The following PIWIL1 variants were observed in gnomAD, a reference collection of about 807,000 sequenced individuals.
The protein encoded by PIWIL1 is piwi-like protein 1.
A neutral mutation model predicts 114.4 loss-of-function variants in PIWIL1; 73 were observed. The observed-to-expected ratio is 0.64, with a 90% CI of 0.53 to 0.78. The LOEUF (loss-of-function observed/expected upper bound fraction) is 0.78. Among genes scored for constraint, PIWIL1 ranks in the 30% least tolerant of loss-of-function variants. PIWIL1 has a pLI of 0.00. For missense variants in PIWIL1, 723 were observed against 1,063.1 expected (o/e 0.68, Z 4.45); for synonymous variants, 375 against 369.0 (o/e 1.02, Z -0.19).
chr12:130,355,418 G>C, intron 11 of PIWIL1, 135 bp from the exon 12 acceptor site: 3 of 706,512 alleles, frequency 4.2e-6, no homozygotes, highest in South Asian at 1.7e-5. Flanking sequence ...TCCTGTGCCA[G>C]CTGGCATTCT....
intron 3 of PIWIL1, among the ~76,000 whole-genome samples, chr12:130,344,182 ATTTT>A (rs1056748876): frequency 1.3e-5 from 2 of 152,112 alleles, no homozygotes; most frequent in African/African-American, 4.8e-5. Flanking sequence ...CCAGAACTGA[ATTTT>A]TTTAAGACAA....
the PIWIL1 span, among the ~76,000 whole-genome samples, chr12:130,379,414 A>C: frequency 6.7e-6 from 1 of 150,034 alleles, no homozygotes; most frequent in East Asian, 2.0e-4. Context: ...CCAAGCATTG[A>C]CAGTTCCTTC....
At chr12:130,347,972 A>G in intron 6 of PIWIL1, 131 bp from the exon 7 acceptor site, 1 of 582,764 alleles carries the variant, frequency 1.7e-6, no homozygotes, top group Non-Finnish European at 3.1e-6. Context: ...GCCATAAAAA[A>G]CAGCAGGTAG....
Position 130,362,782 on chromosome 12 carries a change from A to T in PIWIL1, c.1987A>T (p.Ile663Leu). The change falls in exon 17 of 21, where the codon ATA (isoleucine) becomes TTA (leucine). Residue 663 changes from isoleucine (I) to leucine (L), a missense_variant. Transcript: ENST00000245255. ...TCTGAATAGCTGGTTCTCACGCTGC[A>T]TATTTCAGGATAGAGGACAGGAGCT... is the stretch of plus-strand genomic sequence containing the variant. ...EGMTRWFSRCIFQDRGQELVD... is the reference protein window; with the variant it reads ...EGMTRWFSRCLFQDRGQELVD... The T allele has an allele frequency of 2.5e-6, 4 of 1,614,162 alleles. No homozygotes were observed. Among genetic ancestry groups the T allele is most frequent in the South Asian group, 1.1e-5 (1 of 91,084 alleles).
downstream of PIWIL1, among the ~76,000 whole-genome samples, chr12:130,377,100 A>G (rs538587487): frequency 3.9e-5 from 6 of 152,226 alleles, no homozygotes; most frequent in South Asian, 1.2e-3. Flanking sequence ...CACTGGTATC[A>G]TTAGCTAGTG....
the PIWIL1 span, among the ~76,000 whole-genome samples, chr12:130,384,872 C>T: frequency 6.6e-6 from 1 of 151,252 alleles, no homozygotes; most frequent in African/African-American, 2.5e-5. Context: ...AAAAATCTAA[C>T]AGTTGCTCAT....
chr12:130,424,416 C>T, the PIWIL1 span: 1 of 1,232,816 alleles, frequency 8.1e-7, no homozygotes, highest in Non-Finnish European at 1.0e-6. The surrounding 1 kb of genome is among the most constrained non-coding windows in gnomAD (Gnocchi z 9.8). Context: ...CCTCGGGCCC[C>T]TCCTGCAGGG....
At chr12:130,410,433 A>G in the PIWIL1 span, among the ~76,000 whole-genome samples, 5 of 152,178 alleles carry the variant, frequency 3.3e-5, no homozygotes, top group Non-Finnish European at 4.4e-5. Context: ...TGTCAAAGAA[A>G]TCGTTGCCTG....
the PIWIL1 span, among the ~76,000 whole-genome samples, chr12:130,392,726 G>A: frequency 2.3e-5 from 3 of 128,542 alleles, no homozygotes; most frequent in African/African-American, 2.8e-5. Flanking sequence ...CCCGGTCACC[G>A]TCATCACGTG....
chr12:130,408,669 C>G, the PIWIL1 span, among the ~76,000 whole-genome samples: 1 of 152,214 alleles, frequency 6.6e-6, no homozygotes, highest in South Asian at 2.1e-4. Flanking sequence ...AATCACGAAA[C>G]CCCTGTCAGA....
intron 18 of PIWIL1, among the ~76,000 whole-genome samples, chr12:130,364,585 A>T: frequency 6.6e-6 from 1 of 152,356 alleles, no homozygotes; most frequent in African/African-American, 2.4e-5. Context: ...TATTTTGGAA[A>T]TGAAAGTTAA....
chr12:130,408,260 T>A, the PIWIL1 span, among the ~76,000 whole-genome samples: 1 of 152,318 alleles, frequency 6.6e-6, no homozygotes, highest in East Asian at 1.9e-4. Flanking sequence ...TTTGTGTAAC[T>A]ATGGTGGCGC....
the PIWIL1 span, among the ~76,000 whole-genome samples, chr12:130,416,477 G>A: frequency 6.6e-6 from 1 of 152,138 alleles, no homozygotes; most frequent in Non-Finnish European, 1.5e-5. Flanking sequence ...GTGGGGAAAG[G>A]ACTCCCCATT....
the PIWIL1 span, among the ~76,000 whole-genome samples, chr12:130,395,135 G>T: frequency 2.0e-5 from 3 of 152,196 alleles, no homozygotes; most frequent in African/African-American, 7.2e-5. Context: ...ACTGCAAGAG[G>T]AAATGGTTTC....
chr12:130,355,527 C>A, intron 11 of PIWIL1, 26 bp from the exon 12 acceptor site: 2 of 1,468,464 alleles, frequency 1.4e-6, no homozygotes, highest in South Asian at 1.1e-5. Context: ...TTTGTTGAGT[C>A]GCATGTAAAT....
the PIWIL1 span, among the ~76,000 whole-genome samples, chr12:130,420,356 G>A: frequency 6.6e-6 from 1 of 152,190 alleles, no homozygotes; most frequent in African/African-American, 2.4e-5. The surrounding 1 kb of genome is among the most constrained non-coding windows in gnomAD (Gnocchi z 4.3). Context: ...TCATAGGTTT[G>A]TCAGTTAACT....
In PIWIL1 at chr12:130,349,465, A is replaced by AT. The variant is rs772497260; in HGVS notation, c.932+35dup. ...AGACTGCTTTTTAAAGTGCACAATA[A>AT]TTTTTTGTGAGTCAAAGTATTGTGG... On this transcript the variant is annotated intron_variant, in intron 8 of 20. Transcript: ENST00000245255. The AT allele has an allele frequency of 1.0e-5, 15 of 1,456,534 alleles. No homozygotes were observed. In the African/African-American group the frequency reaches 1.1e-4, roughly 11 times the overall value. 90.2% of individuals were successfully genotyped at this position (1,456,534 alleles called of 1,614,324 possible).
the PIWIL1 span, chr12:130,407,839 T>C: frequency 1.2e-6 from 2 of 1,609,960 alleles, no homozygotes; most frequent in Non-Finnish European, 1.7e-6. Flanking sequence ...TCTGTTCAGA[T>C]CACAAGGGGG....
At chr12:130,380,873 T>G in the PIWIL1 span, among the ~76,000 whole-genome samples, 1 of 152,234 alleles carries the variant, frequency 6.6e-6, no homozygotes, top group Non-Finnish European at 1.5e-5. Context: ...TCATTTGATT[T>G]TAACAAAGCC....
Sources: gnomAD v4.1 joint callset for allele counts (sites outside exome capture counted in the v4.1 genomes callset) on GRCh38, gnomAD v4.1.1 for gene constraint, Gnocchi (gnomAD v3.1) non-coding constraint, MANE v1.5 for transcripts, NCBI Gene and HGNC (gene_info 2026-07-23, HGNC 2026-07-21) for gene names.